Variants in ACOT1 observed in about 807,000 individuals in gnomAD.
ACOT1 encodes acyl-coenzyme A thioesterase 1.
ACOT1 carries 8 observed loss-of-function variants against 15.7 expected under a neutral mutation model. That is an observed-to-expected ratio of 0.51 (90% confidence interval 0.30 to 0.92). The LOEUF (loss-of-function observed/expected upper bound fraction) is 0.92, where lower values mean the gene tolerates loss of function less well. Among genes scored for constraint, ACOT1 ranks in the 40% least tolerant of loss-of-function variants. The pLI is 0.06. For missense variants in ACOT1, 151 were observed against 539.4 expected, an observed-to-expected ratio of 0.28 and a Z score of 7.13; for synonymous variants, 67 against 241.2, an observed-to-expected ratio of 0.28 and a Z score of 6.69.
chr14:73,509,245 C>G, the ACOT1 span: 1 of 1,465,654 alleles, frequency 6.8e-7, no homozygotes, highest in East Asian at 2.3e-5. Context: ...GAGGAAAGGA[C>G]TGGGAAAGCT....
the ACOT1 span, among the ~76,000 whole-genome samples, chr14:73,529,605 A>G: frequency 6.6e-6 from 1 of 152,072 alleles, no homozygotes; most frequent in Admixed American, 6.6e-5. Context: ...ACAGAACTCA[A>G]CTCAAAATGG....
the ACOT1 span, chr14:73,508,082 A>G: frequency 6.4e-7 from 1 of 1,551,840 alleles, no homozygotes; most frequent in African/African-American, 1.4e-5. Context: ...CACTGACCTC[A>G]AAGACCTAAT....
chr14:73,496,874 A>G, the ACOT1 span, among the ~76,000 whole-genome samples: 1 of 152,096 alleles, frequency 6.6e-6, no homozygotes, highest in African/African-American at 2.4e-5. Context: ...GAGACAATAT[A>G]TTTGTGGGTT....
At chr14:73,501,470 GT>G in the ACOT1 span, among the ~76,000 whole-genome samples, 3 of 151,786 alleles carry the variant, frequency 2.0e-5, no homozygotes, top group East Asian at 5.8e-4. Context: ...GCCCAGGCTG[GT>G]CTTGAACTCC....
chr14:73,523,222 C>T, the ACOT1 span: 2 of 1,444,188 alleles, frequency 1.4e-6, no homozygotes, highest in East Asian at 2.5e-5. Context: ...TGAGACCTGG[C>T]ACCTGTTAAG....
intron 2 of ACOT1, 63 bp downstream of exon 2, chr14:73,541,758 T>G: frequency 9.0e-7 from 1 of 1,114,796 alleles, no homozygotes; most frequent in South Asian, 1.4e-5. Flanking sequence ...ATGGTCTGGG[T>G]TTTCACAGAA....
the ACOT1 span, among the ~76,000 whole-genome samples, chr14:73,502,518 C>A: frequency 6.6e-6 from 1 of 151,890 alleles, no homozygotes; most frequent in Non-Finnish European, 1.5e-5. Context: ...AGGAGCTCAA[C>A]AAATGCTGGG....
At chr14:73,506,691 A>AT in the ACOT1 span, 1 of 654,836 alleles carries the variant, frequency 1.5e-6, no homozygotes, top group Non-Finnish European at 2.6e-6. Context: ...CTTACAAGAG[A>AT]TGGGGCATGT....
chr14:73,523,122 G>C, the ACOT1 span: 3 of 1,605,458 alleles, frequency 1.9e-6, no homozygotes, highest in Non-Finnish European at 2.5e-6. Flanking sequence ...CAATGGGGGA[G>C]AAAGGTCTTT....
the ACOT1 span, among the ~76,000 whole-genome samples, chr14:73,509,983 C>T: frequency 7.1e-4 from 106 of 150,102 alleles, no homozygotes; most frequent in African/African-American, 2.5e-3. Flanking sequence ...ACACCATTCT[C>T]CTGCCTCAGC....
At chr14:73,524,309 AAATATATAT>A in the ACOT1 span, among the ~76,000 whole-genome samples, 1 of 99,760 alleles carries the variant, frequency 1.0e-5, no homozygotes, top group African/African-American at 4.1e-5. Flanking sequence ...AAAAAAAAAA[AAATATATAT>A]ATATATATAT....
the ACOT1 span, chr14:73,511,882 C>T: frequency 5.0e-4 from 577 of 1,150,912 alleles, 5 homozygotes; most frequent in East Asian, 0.011. Flanking sequence ...ATAGGCCAGT[C>T]TCTAAGTCTT....
upstream of ACOT1, among the ~76,000 whole-genome samples, chr14:73,532,228 T>A (rs1888728078): frequency 8.7e-6 from 1 of 114,342 alleles, no homozygotes; most frequent in African/African-American, 2.8e-5. Context: ...CCCTTTCAGC[T>A]CCTCCACTGC....
chr14:73,502,120 C>T, the ACOT1 span, among the ~76,000 whole-genome samples: 1 of 150,814 alleles, frequency 6.6e-6, no homozygotes. Context: ...TCTCGAACTC[C>T]TGGGCTCAAT....
At chr14:73,507,387 G>T in the ACOT1 span, among the ~76,000 whole-genome samples, 2 of 152,038 alleles carry the variant, frequency 1.3e-5, no homozygotes, top group Non-Finnish European at 2.9e-5. Flanking sequence ...GTTTACTTAT[G>T]CTTGAGATTG....
chr14:73,491,708 C>T, the ACOT1 span: 1 of 1,550,138 alleles, frequency 6.5e-7, no homozygotes, highest in Non-Finnish European at 8.7e-7. Flanking sequence ...GGTGCTGGTG[C>T]GGCGGCAGGA....
chr14:73,504,306 G>A, the ACOT1 span, among the ~76,000 whole-genome samples: 264 of 151,440 alleles, frequency 1.7e-3, 1 homozygote, highest in African/African-American at 6.0e-3. Context: ...GCAGTGGTGC[G>A]ATCTCAACTC....
chr14:73,491,866 C>G, the ACOT1 span: 1 of 1,610,690 alleles, frequency 6.2e-7, no homozygotes, highest in Non-Finnish European at 8.5e-7. Context: ...GCGCGCTGCC[C>G]GCCGCCGCGT....
the ACOT1 span, among the ~76,000 whole-genome samples, chr14:73,506,035 C>T: frequency 5.3e-5 from 8 of 151,546 alleles, no homozygotes; most frequent in Non-Finnish European, 8.8e-5. Flanking sequence ...GGATTATAGG[C>T]GCGTGCCACC....
Sources: allele counts gnomAD v4.1 joint callset (sites outside exome capture counted in the v4.1 genomes callset), GRCh38; gene constraint gnomAD v4.1.1; transcripts MANE v1.5; gene names NCBI Gene and HGNC (gene_info 2026-07-23, HGNC 2026-07-21).